TTC29: variants seen among roughly 807,000 people sequenced by gnomAD.
The protein encoded by TTC29 is tetratricopeptide repeat protein 29.
In TTC29, 49 loss-of-function variants were observed where a neutral mutation model predicts 58.1. That is an observed-to-expected ratio of 0.84 (90% CI 0.67 to 1.07). The LOEUF (loss-of-function observed/expected upper bound fraction) is 1.07, where lower values mean the gene tolerates loss of function less well. TTC29 is among the 50% of genes least tolerant of loss of function. The pLI, the probability that TTC29 is intolerant of heterozygous loss-of-function variation, is 0.00. For synonymous variants in TTC29, 209 were observed against 196.8 expected, an observed-to-expected ratio of 1.06 and a Z score of -0.52; for missense variants, 582 against 555.6, an observed-to-expected ratio of 1.05 and a Z score of -0.48.
At chr4:146,922,603 G>A (rs1174730932) in intron 4 of TTC29, among the ~76,000 whole-genome samples, 1 of 151,586 alleles carries the variant, frequency 6.6e-6, no homozygotes, top group Non-Finnish European at 1.5e-5. Context: ...TAATGAGATA[G>A]GTGCTATCAT....
intron 11 of TTC29, among the ~76,000 whole-genome samples, chr4:146,791,995 A>G (rs1215327079): frequency 1.3e-5 from 2 of 152,234 alleles, no homozygotes; most frequent in African/African-American, 2.4e-5. Context: ...TGAAGCTAGC[A>G]GAAATTGGTT....
chr4:146,750,257 T>G (rs1745882248), intron 11 of TTC29, among the ~76,000 whole-genome samples: 1 of 152,166 alleles, frequency 6.6e-6, no homozygotes, highest in Non-Finnish European at 1.5e-5. Flanking sequence ...TCCGCCCGCC[T>G]CGGCCTCCCA....
At chr4:146,900,496 A>C (rs921180774) in intron 6 of TTC29, among the ~76,000 whole-genome samples, 34 of 152,118 alleles carry the variant, frequency 2.2e-4, no homozygotes, top group Admixed American at 2.1e-3. Flanking sequence ...TTCCAACCTC[A>C]TCCTTTCCCT....
At chr4:146,815,378 A>T (rs1219083082) in intron 10 of TTC29, among the ~76,000 whole-genome samples, 1 of 152,134 alleles carries the variant, frequency 6.6e-6, no homozygotes, top group African/African-American at 2.4e-5. Context: ...GCCTTAAGTG[A>T]CTGGGTGGAT....
At chr4:146,727,163 A>G (rs943853835) in intron 11 of TTC29, among the ~76,000 whole-genome samples, 1 of 151,996 alleles carries the variant, frequency 6.6e-6, no homozygotes, top group Non-Finnish European at 1.5e-5. Flanking sequence ...ACTTTTTAAG[A>G]AGCAATATAT....
intron 11 of TTC29, among the ~76,000 whole-genome samples, chr4:146,797,996 T>C (rs1749946749): frequency 6.6e-6 from 1 of 152,004 alleles, no homozygotes; most frequent in African/African-American, 2.4e-5. Flanking sequence ...TATTTCATTG[T>C]GAATAGTTTC....
chr4:146,754,548 C>A (rs1746287083), intron 11 of TTC29, among the ~76,000 whole-genome samples: 2 of 152,142 alleles, frequency 1.3e-5, no homozygotes, highest in African/African-American at 4.8e-5. Context: ...CCAATTTTAA[C>A]AACACATCAA....
intron 7 of TTC29, among the ~76,000 whole-genome samples, chr4:146,870,457 A>T (rs1730858440): frequency 6.6e-6 from 1 of 151,982 alleles, no homozygotes; most frequent in Admixed American, 6.6e-5. Flanking sequence ...AACTACACTC[A>T]AATCAAACAG....
At chr4:146,815,559 G>T (rs998202964) in intron 10 of TTC29, among the ~76,000 whole-genome samples, 15 of 152,152 alleles carry the variant, frequency 9.9e-5, no homozygotes, top group Non-Finnish European at 1.8e-4. Flanking sequence ...CTGGCATATG[G>T]ATAGTATTTA....
At chr4:146,772,333 G>A (rs1024877602) in intron 11 of TTC29, among the ~76,000 whole-genome samples, 1 of 152,090 alleles carries the variant, frequency 6.6e-6, no homozygotes, top group African/African-American at 2.4e-5. Context: ...CAGGTCCTAT[G>A]TCCAGAATGG....
At chr4:146,886,841 C>T (rs1210380499) in intron 6 of TTC29, among the ~76,000 whole-genome samples, 5 of 152,024 alleles carry the variant, frequency 3.3e-5, no homozygotes, top group Non-Finnish European at 7.4e-5. Flanking sequence ...GTTTCCATCC[C>T]GGCTCTGACA....
intron 6 of TTC29, 104 bp from the exon 7 acceptor site, chr4:146,875,032 G>A (rs1731170343): frequency 1.2e-6 from 1 of 813,646 alleles, no homozygotes; most frequent in South Asian, 1.7e-5. Flanking sequence ...AAACACCGAG[G>A]ATTATGGTGA....
In TTC29 at chr4:146,736,034, C is replaced by T. The variant is rs139169683; in HGVS notation, c.1331-28483G>A. On this transcript the variant is annotated intron_variant, in intron 11 of 12. Coordinates refer to ENST00000325106, the MANE Select transcript of TTC29 (RefSeq NM_031956.4). ...TGGGTGGACCAAAGGGAGTCCCTGC[C>T]GGTCATCCAACATTAAAGGACCTCA... Among the ~76,000 whole-genome samples, 447 of 152,148 alleles carry T rather than the reference C, an allele frequency of 2.9e-3. 6 individuals carry two copies. The highest frequency in any genetic ancestry group is 0.01 in the African/African-American group (417 of 41,512).
chr4:146,941,013 A>C (rs972738079), intron 2 of TTC29, among the ~76,000 whole-genome samples: 1 of 152,246 alleles, frequency 6.6e-6, no homozygotes, highest in Admixed American at 6.5e-5. Context: ...GCAGTGTGCC[A>C]GAGTGGTGAG....
chr4:146,797,832 T>TTA (rs70958528), intron 11 of TTC29, among the ~76,000 whole-genome samples: 16,110 of 129,818 alleles, frequency 0.12, 1,037 homozygotes, highest in Non-Finnish European at 0.16. Flanking sequence ...TTACTTTGTT[T>TTA]TATATATATA....
chr4:146,883,272 G>A (rs1348724459), intron 6 of TTC29, among the ~76,000 whole-genome samples: 3 of 151,978 alleles, frequency 2.0e-5, no homozygotes, highest in African/African-American at 7.3e-5. Flanking sequence ...CTGAAGTATG[G>A]GTAACTATGC....
intron 11 of TTC29, among the ~76,000 whole-genome samples, chr4:146,763,100 T>C (rs1489529551): frequency 1.8e-4 from 28 of 152,096 alleles, no homozygotes; most frequent in Admixed American, 1.8e-3. Flanking sequence ...CTCTTTATTT[T>C]AATTGTGCAG....
intron 8 of TTC29, among the ~76,000 whole-genome samples, chr4:146,861,554 G>A (rs1730233041): frequency 6.6e-6 from 1 of 152,076 alleles, no homozygotes; most frequent in Non-Finnish European, 1.5e-5. Flanking sequence ...TTTTAGTTTA[G>A]CTGTATTCTA....
chr4:146,776,671 C>G (rs1748122007), intron 11 of TTC29, among the ~76,000 whole-genome samples: 1 of 152,150 alleles, frequency 6.6e-6, no homozygotes, highest in Non-Finnish European at 1.5e-5. Context: ...GTCCGCTGGC[C>G]ACAGCAGTCT....
Sources: allele counts gnomAD v4.1 joint callset (sites outside exome capture counted in the v4.1 genomes callset), GRCh38; gene constraint gnomAD v4.1.1; transcripts MANE v1.5; gene names NCBI Gene and HGNC (gene_info 2026-07-23, HGNC 2026-07-21).